The following MEGF11 variants were observed in gnomAD, a reference collection of about 807,000 sequenced individuals.
MEGF11 encodes the protein multiple EGF like domains 11.
Under a neutral mutation model 146.6 loss-of-function variants are expected in MEGF11, and 126 were observed. The observed-to-expected ratio is 0.86, with a 90% CI of 0.74 to 1.00. The LOEUF is 1.00. MEGF11 is among the 50% of genes least tolerant of loss of function. MEGF11 has a pLI of 0.00. For synonymous variants in MEGF11, 532 were observed against 583.4 expected (o/e 0.91, Z 1.27); for missense variants, 1,509 against 1,521.2 (o/e 0.99, Z 0.13).
rs569648172 is a variant in MEGF11, at chr15:65,922,077, G to A, written c.1957+261C>T. 1.4e-4 allele frequency: 71 copies of A among 515,454 alleles called. No homozygotes were observed. The Middle Eastern group carries it at 1.7e-3, about 13-fold the overall frequency. 31.9% of individuals were successfully genotyped at this position (515,454 alleles called of 1,614,324 possible). On this transcript the variant is annotated intron_variant, in intron 15 of 25. Coordinates refer to ENST00000395614, the MANE Select transcript of MEGF11 (RefSeq NM_001385028.1). ...TTTTCATCCCTTCAGCATGCATGTC[G>A]GAATCAGAATTTGTTTCTGCCACTT...
chr15:66,015,978 G>A (rs1329233552), intron 5 of MEGF11, among the ~76,000 whole-genome samples: 1 of 151,922 alleles, frequency 6.6e-6, no homozygotes, highest in African/African-American at 2.4e-5. Context: ...CCACCTACTT[G>A]GGGTGGGTGG....
intron 1 of MEGF11, among the ~76,000 whole-genome samples, chr15:66,133,909 C>G (rs2088771662): frequency 6.6e-6 from 1 of 152,192 alleles, no homozygotes; most frequent in African/African-American, 2.4e-5. Context: ...AGGTGCCTGG[C>G]CCCCGGGATA....
intron 5 of MEGF11, among the ~76,000 whole-genome samples, chr15:66,071,226 C>A (rs921429948): frequency 6.6e-6 from 1 of 152,192 alleles, no homozygotes; most frequent in Non-Finnish European, 1.5e-5. Flanking sequence ...GATGACTATG[C>A]CTGTCTCTCT....
rs1034720936 is a variant in MEGF11 at position 66,223,584 on chromosome 15, G to A, written c.-9+30021C>T. Among the ~76,000 whole-genome samples, 4 of 152,100 alleles carry A rather than the reference G, an allele frequency of 2.6e-5. 1 individual carries two copies. In the South Asian group the frequency reaches 6.2e-4, roughly 24 times the overall value. ...CTAAAAATACCAAAATTAGCCAGGC[G>A]TGGTGGCACATGCCTGTAATCCCAG... is the stretch of plus-strand genomic sequence containing the variant. On this transcript the variant is annotated intron_variant, in intron 1 of 25. Transcript: ENST00000395614.
chr15:66,205,908 A>G (rs1415043691), intron 1 of MEGF11, among the ~76,000 whole-genome samples: 2 of 152,248 alleles, frequency 1.3e-5, no homozygotes, highest in African/African-American at 4.8e-5. Context: ...ATCACTCACC[A>G]TACCAAAAAC....
chr15:65,985,564 T>C (rs1483417295), intron 5 of MEGF11, among the ~76,000 whole-genome samples: 1 of 152,214 alleles, frequency 6.6e-6, no homozygotes, highest in Non-Finnish European at 1.5e-5. Context: ...ATGCTTTGCT[T>C]ATCAAACAAC....
chr15:65,984,525 C>CAAAAAAAA (rs35017296), intron 5 of MEGF11, among the ~76,000 whole-genome samples: 2 of 49,520 alleles, frequency 4.0e-5, no homozygotes, highest in African/African-American at 1.8e-4. Context: ...GACTCCGTGT[C>CAAAAAAAA]AAAAAAAAAA....
intron 5 of MEGF11, among the ~76,000 whole-genome samples, chr15:65,995,013 T>C (rs937574902): frequency 2.0e-5 from 3 of 152,166 alleles, no homozygotes; most frequent in East Asian, 1.9e-4. Flanking sequence ...TCAAAGTGCA[T>C]TGGGAGCTTG....
At chr15:66,083,077 G>C (rs1184309683) in intron 5 of MEGF11, among the ~76,000 whole-genome samples, 1 of 152,132 alleles carries the variant, frequency 6.6e-6, no homozygotes, top group African/African-American at 2.4e-5. Context: ...GCCTGAGACA[G>C]AGACACTCCC....
Position 66,177,922 on chromosome 15 carries a change from C to T in MEGF11, c.-8-49511G>A, listed in dbSNP as rs530642973. 5.9e-5 allele frequency among the ~76,000 whole-genome samples: 9 copies of T among 152,142 alleles called. No individual in the cohort carries two copies. The Middle Eastern group carries it at 0.014, about 230-fold the overall frequency. On this transcript the variant is annotated intron_variant, in intron 1 of 25. Coordinates refer to ENST00000395614, the MANE Select transcript of MEGF11 (RefSeq NM_001385028.1). ...CTGGTCTGGAACACCTGAGCTTAAG[C>T]GATCTGCCTGCCTTGGCCTCCCAAA...
chr15:65,899,874 A>G (rs925957128), intron 24 of MEGF11, among the ~76,000 whole-genome samples: 3 of 152,142 alleles, frequency 2.0e-5, no homozygotes, highest in African/African-American at 7.2e-5. Context: ...CCGAGACTTC[A>G]GAGTACAAAA....
chr15:66,215,129 C>G (rs1406925046), intron 1 of MEGF11, among the ~76,000 whole-genome samples: 2 of 152,136 alleles, frequency 1.3e-5, no homozygotes, highest in African/African-American at 2.4e-5. Flanking sequence ...GTATTAAGAC[C>G]ACAAAGCTTA....
intron 5 of MEGF11, among the ~76,000 whole-genome samples, chr15:65,989,617 C>T (rs183951439): frequency 1.3e-5 from 2 of 152,330 alleles, no homozygotes; most frequent in Admixed American, 6.5e-5. Flanking sequence ...AACTGACTTG[C>T]CCCAGTAAAA....
chr15:66,225,048 AT>A (rs2091822721), intron 1 of MEGF11, among the ~76,000 whole-genome samples: 1 of 152,196 alleles, frequency 6.6e-6, no homozygotes, highest in Non-Finnish European at 1.5e-5. Flanking sequence ...TGGTCTGGCC[AT>A]TCCCGAGACC....
At chr15:66,096,609 G>T (rs1262765779) in intron 4 of MEGF11, among the ~76,000 whole-genome samples, 1 of 152,194 alleles carries the variant, frequency 6.6e-6, no homozygotes, top group Non-Finnish European at 1.5e-5. Context: ...ACAGCAGAGG[G>T]GTGCTGTGAC....
intron 12 of MEGF11, among the ~76,000 whole-genome samples, chr15:65,929,347 C>T (rs1332539399): frequency 6.6e-6 from 1 of 152,212 alleles, no homozygotes; most frequent in Non-Finnish European, 1.5e-5. Context: ...GAAGCTTAAA[C>T]ATTATCTACC....
intron 1 of MEGF11, among the ~76,000 whole-genome samples, chr15:66,235,833 C>A (rs1210077574): frequency 6.6e-6 from 1 of 152,214 alleles, no homozygotes. Flanking sequence ...CACAGGCAAG[C>A]ATCAAGTCTC....
intron 1 of MEGF11, among the ~76,000 whole-genome samples, chr15:66,139,187 A>C (rs1354822309): frequency 6.6e-6 from 1 of 152,132 alleles, no homozygotes; most frequent in Non-Finnish European, 1.5e-5. Flanking sequence ...TCTGAACTCT[A>C]ATTTCCTGGA....
At chr15:65,943,879 C>A (rs915287855) in intron 10 of MEGF11, among the ~76,000 whole-genome samples, 1 of 152,068 alleles carries the variant, frequency 6.6e-6, no homozygotes, top group Non-Finnish European at 1.5e-5. Context: ...AAGAGCCCAG[C>A]GCCCTAGGTG....
Sources: gnomAD v4.1 joint callset for allele counts (sites outside exome capture counted in the v4.1 genomes callset) on GRCh38, gnomAD v4.1.1 for gene constraint, MANE v1.5 for transcripts, NCBI Gene and HGNC (gene_info 2026-07-23, HGNC 2026-07-21) for gene names.